Variants in FTCDNL1 observed in about 807,000 individuals in gnomAD.
FTCDNL1 encodes formiminotransferase cyclodeaminase N-terminal like.
FTCDNL1 carries 11 observed loss-of-function variants against 5.9 expected under a neutral mutation model. That is an observed-to-expected ratio of 1.87 (90% CI 1.18 to 3.10). FTCDNL1 has a LOEUF of 3.10. Among genes scored for constraint, FTCDNL1 ranks in the 30% most tolerant of loss-of-function variants. FTCDNL1 has a pLI of 0.00. For synonymous variants in FTCDNL1, 58 were observed against 24.8 expected (o/e 2.34, Z -3.99); for missense variants, 115 against 65.5 (o/e 1.76, Z -2.61).
the FTCDNL1 span, among the ~76,000 whole-genome samples, chr2:199,671,288 T>C: frequency 6.6e-6 from 1 of 151,754 alleles, no homozygotes; most frequent in Admixed American, 6.6e-5. Flanking sequence ...ATCAGTGATA[T>C]CATAAATGAG....
At chr2:199,791,500 T>C (rs1440683787) in intron 3 of FTCDNL1, among the ~76,000 whole-genome samples, 1 of 152,046 alleles carries the variant, frequency 6.6e-6, no homozygotes, top group African/African-American at 2.4e-5. Flanking sequence ...AAAGACAATA[T>C]CATAAAGCAC....
intron 3 of FTCDNL1, among the ~76,000 whole-genome samples, chr2:199,773,180 C>T (rs1698896997): frequency 6.6e-6 from 1 of 152,062 alleles, no homozygotes; most frequent in South Asian, 2.1e-4. Flanking sequence ...AAATTCTTCC[C>T]CACTATGGTA....
chr2:199,683,229 T>C, the FTCDNL1 span, among the ~76,000 whole-genome samples: 1 of 152,138 alleles, frequency 6.6e-6, no homozygotes, highest in Non-Finnish European at 1.5e-5. Context: ...AAAAACCCAA[T>C]TATATTATAT....
chr2:199,770,262 C>A (rs1698744742), intron 3 of FTCDNL1, among the ~76,000 whole-genome samples: 1 of 152,152 alleles, frequency 6.6e-6, no homozygotes, highest in Admixed American at 6.5e-5. Flanking sequence ...GCACATTTAT[C>A]TTAAGAGAGC....
chr2:199,771,194 A>G (rs776451785), intron 3 of FTCDNL1, among the ~76,000 whole-genome samples: 7 of 152,216 alleles, frequency 4.6e-5, no homozygotes, highest in Non-Finnish European at 8.8e-5. Context: ...ACACCATTCC[A>G]TTGTCACTAC....
intron 3 of FTCDNL1, chr2:199,844,576 T>G (rs1384548504): frequency 2.1e-6 from 1 of 472,356 alleles, no homozygotes. Flanking sequence ...AGCTTTCAAC[T>G]GCATCTAAAG....
chr2:199,778,083 A>G lies in FTCDNL1; in HGVS notation c.212-17248T>C, dbSNP rs541726819. On this transcript the variant is annotated intron_variant, in intron 3 of 3. Coordinates refer to the FTCDNL1 transcript ENST00000416668. ...TGCCACTTAAAACAGGTGGTCCAAA[A>G]CATTCAATCTGTAATCCAAAACAGG... 2.6e-5 allele frequency among the ~76,000 whole-genome samples: 4 copies of G among 152,308 alleles called. No individual in the cohort carries two copies. In the South Asian group the frequency reaches 6.2e-4, roughly 24 times the overall value.
At chr2:199,720,353 TA>T in the FTCDNL1 span, among the ~76,000 whole-genome samples, 2 of 152,310 alleles carry the variant, frequency 1.3e-5, no homozygotes, top group African/African-American at 2.4e-5. Context: ...CACCACAGAT[TA>T]ATATTAACTT....
chr2:199,704,287 T>C, the FTCDNL1 span, among the ~76,000 whole-genome samples: 1 of 151,464 alleles, frequency 6.6e-6, no homozygotes, highest in Non-Finnish European at 1.5e-5. Context: ...ACAGAGAAAA[T>C]CCAAATTCCC....
the FTCDNL1 span, among the ~76,000 whole-genome samples, chr2:199,664,590 C>T: frequency 1.3e-5 from 2 of 152,148 alleles, no homozygotes; most frequent in South Asian, 4.1e-4. Context: ...ATTATTCACA[C>T]GGTTCCTATA....
At chr2:199,667,519 G>T in the FTCDNL1 span, among the ~76,000 whole-genome samples, 7 of 152,046 alleles carry the variant, frequency 4.6e-5, no homozygotes, top group Admixed American at 2.0e-4. Context: ...TACATTAGCT[G>T]GGTGTGGTGG....
chr2:199,672,648 G>C, the FTCDNL1 span, among the ~76,000 whole-genome samples: 1 of 152,060 alleles, frequency 6.6e-6, no homozygotes, highest in African/African-American at 2.4e-5. Context: ...CCTGACACCT[G>C]GTGCTCTGGC....
chr2:199,721,089 G>A, the FTCDNL1 span, among the ~76,000 whole-genome samples: 7 of 152,140 alleles, frequency 4.6e-5, no homozygotes, highest in Admixed American at 2.0e-4. Flanking sequence ...ATTATCTGCC[G>A]CTTGTCTCTT....
chr2:199,676,312 C>T, the FTCDNL1 span, among the ~76,000 whole-genome samples: 1 of 152,214 alleles, frequency 6.6e-6, no homozygotes, highest in Admixed American at 6.5e-5. Flanking sequence ...ATTGGTTTTT[C>T]ATACTCCAGC....
chr2:199,664,044 A>T, the FTCDNL1 span, among the ~76,000 whole-genome samples: 2 of 145,258 alleles, frequency 1.4e-5, no homozygotes, highest in Admixed American at 1.4e-4. Flanking sequence ...TTTTCTGTTT[A>T]AAAAAAAAAA....
chr2:199,823,292 C>T (rs1277815342), intron 3 of FTCDNL1, among the ~76,000 whole-genome samples: 1 of 152,080 alleles, frequency 6.6e-6, no homozygotes, highest in African/African-American at 2.4e-5. Flanking sequence ...GGGTTGGAAC[C>T]AACTTCTTCC....
chr2:199,723,081 C>T, the FTCDNL1 span, among the ~76,000 whole-genome samples: 128 of 152,050 alleles, frequency 8.4e-4, 1 homozygote, highest in African/African-American at 2.8e-3. Context: ...GCCCAGCATG[C>T]ATTAGCTATT....
chr2:199,734,731 A>C, the FTCDNL1 span, among the ~76,000 whole-genome samples: 1 of 152,214 alleles, frequency 6.6e-6, no homozygotes, highest in African/African-American at 2.4e-5. Flanking sequence ...GATTTTGCTT[A>C]TACTCAGAAA....
intron 3 of FTCDNL1, among the ~76,000 whole-genome samples, chr2:199,832,700 A>T (rs1702450253): frequency 6.6e-6 from 1 of 152,106 alleles, no homozygotes; most frequent in South Asian, 2.1e-4. Context: ...ATGGTGAAAG[A>T]GACTCTCCTG....
Sources: gnomAD v4.1 joint callset for allele counts (sites outside exome capture counted in the v4.1 genomes callset) on GRCh38, gnomAD v4.1.1 for gene constraint, MANE v1.5 for transcripts, NCBI Gene and HGNC (gene_info 2026-07-23, HGNC 2026-07-21) for gene names.